Variants in ITPKA observed in about 807,000 individuals in gnomAD.
ITPKA encodes the protein inositol-trisphosphate 3-kinase A.
Under a neutral mutation model 40.7 loss-of-function variants are expected in ITPKA, and 16 were observed. The observed-to-expected ratio is 0.39, with a 90% CI of 0.27 to 0.60. The LOEUF is 0.60. Among genes scored for constraint, ITPKA ranks in the 20% least tolerant of loss-of-function variants. ITPKA has a pLI of 0.50. For synonymous variants in ITPKA, 313 were observed against 289.9 expected, an observed-to-expected ratio of 1.08 and a Z score of -0.81; for missense variants, 540 against 649.3, an observed-to-expected ratio of 0.83 and a Z score of 1.83.
chr15:41,498,403 G>C (rs951475428), intron 1 of ITPKA, among the ~76,000 whole-genome samples: 5 of 151,888 alleles, frequency 3.3e-5, no homozygotes, highest in Admixed American at 2.0e-4. Flanking sequence ...AGAAAACCAA[G>C]GTCAAGAGAG....
Position 41,503,444 on chromosome 15 carries a change from C to A in ITPKA, c.*278C>A. 1.6e-6 allele frequency: 1 copy of A among 620,726 alleles called. No homozygotes were observed. 38.5% of individuals were successfully genotyped at this position (620,726 alleles called of 1,614,324 possible). A position where few individuals can be genotyped will look rare whatever the true frequency, so the allele number is the denominator to read the frequency against. ...CCAGCTCTTCTGAGGAGGCTCTGCC[C>A]TCTCCAGAGGTGCCAGACCGCGGAT... On this transcript the variant is annotated 3_prime_UTR_variant, in exon 7 of 7. Coordinates refer to ENST00000260386, the MANE Select transcript of ITPKA (RefSeq NM_002220.3).
chr15:41,496,531 C>T (rs998930489), intron 1 of ITPKA, among the ~76,000 whole-genome samples: 9 of 152,194 alleles, frequency 5.9e-5, no homozygotes, highest in Non-Finnish European at 1.2e-4. Flanking sequence ...AGTTGGAGGC[C>T]CACCCGCAAG....
intron 1 of ITPKA, among the ~76,000 whole-genome samples, chr15:41,497,458 C>A (rs2051081463): frequency 6.6e-6 from 1 of 152,176 alleles, no homozygotes; most frequent in South Asian, 2.1e-4. Flanking sequence ...GAACTCCTGA[C>A]CTCAAGTGAT....
chr15:41,495,511 G>A (rs1374314634), intron 1 of ITPKA, among the ~76,000 whole-genome samples: 1 of 152,232 alleles, frequency 6.6e-6, no homozygotes, highest in Non-Finnish European at 1.5e-5. Context: ...AGGCCGATGG[G>A]GTTTGTCAGT....
At chr15:41,501,407 A>G in intron 1 of ITPKA, 56 bp from the exon 2 acceptor site, 1 of 1,552,248 alleles carries the variant, frequency 6.4e-7, no homozygotes, top group Non-Finnish European at 8.7e-7. Flanking sequence ...CAGTGGAGGG[A>G]GGGCTTATGC....
chr15:41,501,809 G>A lies in ITPKA; in HGVS notation c.761G>A (p.Gly254Asp). 2 of 1,613,428 alleles carry A rather than the reference G, an allele frequency of 1.2e-6. No individual in the cohort carries two copies. Among genetic ancestry groups the A allele is most frequent in the Non-Finnish European group, 1.7e-6 (2 of 1,179,872 alleles). ...SYLQLQDLLD[G>D]FDGPCVLDCK... ...CTGCAGCTGCAGGACCTGCTCGATG[G>A]CTTCGACGGACCTTGTGTGCTCGAC... The change falls in exon 3 of 7, where the codon GGC becomes GAC. Residue 254 changes from glycine to aspartate, a missense_variant. Gly to Asp is a moderately conservative substitution (Grantham distance 94). Transcript: ENST00000260386.
Position 41,503,166 on chromosome 15 carries a change from AG to A in ITPKA, c.*2del. On this transcript the variant is annotated 3_prime_UTR_variant, in exon 7 of 7. Transcript: ENST00000260386. ...TCCTGGCCAGCCTGGCTGAGAGATG[AG>A]GCTGGACTCCTGTCCCCGCGGGCCG... 1 of 1,577,156 alleles carries A rather than the reference AG, an allele frequency of 6.3e-7. No homozygotes were observed. Among genetic ancestry groups the A allele is most frequent in the Non-Finnish European group, 8.7e-7 (1 of 1,154,044 alleles).
chr15:41,494,350 G>T lies in ITPKA; in HGVS notation c.423G>T (p.Leu141=). The T allele has an allele frequency of 6.6e-7, 1 of 1,522,392 alleles. No individual in the cohort carries two copies. 94.3% of individuals were successfully genotyped at this position (1,522,392 alleles called of 1,614,324 possible). The stretch of plus-strand genomic sequence containing the variant: ...TGCTCGAGGACTCGGAGGACGACCT[G>T]CTGAGCGACAGTGAGAGCCGGAGCC... ...SSLLEDSEDD[L]LSDSESRSRG... is the part of the protein sequence containing the mutation. The change falls in exon 1 of 7, where the codon CTG becomes CTT. Residue 141 remains leucine, a synonymous_variant. Transcript: ENST00000260386. The surrounding 1 kb of genome is among the most constrained non-coding windows in gnomAD (Gnocchi z 7.8).
At chr15:41,496,284 G>A (rs780233149) in intron 1 of ITPKA, among the ~76,000 whole-genome samples, 92 of 152,192 alleles carry the variant, frequency 6.0e-4, no homozygotes, top group Non-Finnish European at 1.2e-3. Flanking sequence ...GGATGCACGT[G>A]GGCCGGACTC....
intron 1 of ITPKA, 130 bp from the exon 2 acceptor site, chr15:41,501,333 G>T: frequency 1.4e-6 from 2 of 1,473,756 alleles, no homozygotes; most frequent in Non-Finnish European, 9.0e-7. Flanking sequence ...GTGAATGAAT[G>T]AATTAATGAC....
intron 1 of ITPKA, among the ~76,000 whole-genome samples, chr15:41,496,196 G>C (rs1164977631): frequency 1.3e-5 from 2 of 152,270 alleles, no homozygotes; most frequent in Non-Finnish European, 2.9e-5. Context: ...GCAGGTCCCA[G>C]AGCCGCACAG....
Position 41,503,439 on chromosome 15 carries a change from C to G in ITPKA, c.*273C>G. On this transcript the variant is annotated 3_prime_UTR_variant, in exon 7 of 7. Transcript: ENST00000260386. ...TCAGGCCAGCTCTTCTGAGGAGGCT[C>G]TGCCCTCTCCAGAGGTGCCAGACCG... The G allele has an allele frequency of 8.1e-6, 5 of 617,924 alleles. No individual in the cohort carries two copies. Among genetic ancestry groups the G allele is most frequent in the South Asian group, 8.1e-5 (5 of 61,890 alleles). 38.3% of individuals were successfully genotyped at this position (617,924 alleles called of 1,614,324 possible). A position where few individuals can be genotyped will look rare whatever the true frequency, so the allele number is the denominator to read the frequency against.
chr15:41,501,247 C>T (rs1009970523), intron 1 of ITPKA: 42 of 898,672 alleles, frequency 4.7e-5, no homozygotes, highest in Admixed American at 6.2e-5. Flanking sequence ...TGACAGCTCA[C>T]TGGAGACGCT....
In ITPKA at chr15:41,501,651, G is replaced by A. The variant is rs558848920; in HGVS notation, c.603G>A (p.Ala201=). Residue 201 remains alanine, a synonymous_variant, in exon 3 of 7, where the codon GCG becomes GCA. Coordinates refer to ENST00000260386, the MANE Select transcript of ITPKA (RefSeq NM_002220.3). ...LAGHTGSFKA[A]GTSGLILKRC... ...GGTCCTCAGGGAGTTTTAAGGCGGC[G>A]GGCACCAGCGGGCTGATCCTGAAGC... 5.0e-6 allele frequency: 8 copies of A among 1,607,400 alleles called. No homozygotes were observed. Among genetic ancestry groups the A allele is most frequent in the Non-Finnish European group, 6.8e-6 (8 of 1,177,680 alleles).
Position 41,501,719 on chromosome 15 carries a change from C to T in ITPKA, c.671C>T (p.Ala224Val), listed in dbSNP as rs778873563. 1.9e-6 allele frequency: 3 copies of T among 1,611,218 alleles called. No homozygotes were observed. The highest frequency in any genetic ancestry group is 2.7e-5 in the African/African-American group (2 of 74,918). The change falls in exon 3 of 7, where the codon GCT (alanine) becomes GTT (valine). Residue 224 changes from alanine to valine, a missense_variant. Coordinates refer to ENST00000260386, the MANE Select transcript of ITPKA (RefSeq NM_002220.3). The stretch of plus-strand genomic sequence containing the variant: ...CGCTACTGCCTGGCGCGGCTGATGG[C>T]TGACGCGCTGCGCGGCTGCGTGCCT... ...PERYCLARLM[A>V]DALRGCVPAF...
chr15:41,496,186 G>C (rs1425218794), intron 1 of ITPKA, among the ~76,000 whole-genome samples: 1 of 152,246 alleles, frequency 6.6e-6, no homozygotes, highest in Admixed American at 6.5e-5. Flanking sequence ...TTGCCTCGCC[G>C]CAGGTCCCAG....
Position 41,494,423 on chromosome 15 carries a change from G to A in ITPKA, c.489+7G>A. On this transcript the variant is annotated splice_region_variant and intron_variant, in intron 1 of 6. Transcript: ENST00000260386. This position sits in a 1 kb window ranked among gnomAD's most constrained non-coding sequence, Gnocchi z 7.8. ...GGGCGAGGACGTGGGTCAGGTACGG[G>A]CCGCGGGGGCGGGGCCAGCGCCGGG... 1 of 1,418,562 alleles carries A rather than the reference G, an allele frequency of 7.0e-7. No homozygotes were observed. Among genetic ancestry groups the A allele is most frequent in the Non-Finnish European group, 9.2e-7 (1 of 1,087,794 alleles). 87.9% of individuals were successfully genotyped at this position (1,418,562 alleles called of 1,614,324 possible).
In ITPKA at chr15:41,502,310, C is replaced by G. The variant is rs1021779564; in HGVS notation, c.1009-92C>G. On this transcript the variant is annotated intron_variant, in intron 4 of 6. Coordinates refer to ENST00000260386, the MANE Select transcript of ITPKA (RefSeq NM_002220.3). Reference sequence around the variant, plus strand: ...CCTCCGCCCTCTCCCACCGCCTCGCCGTCCCCTGCAACTGGGAGGTACCGC... The same window carrying G: ...CCTCCGCCCTCTCCCACCGCCTCGCGGTCCCCTGCAACTGGGAGGTACCGC... The G allele has an allele frequency of 7.9e-6, 11 of 1,400,212 alleles. No homozygotes were observed. In the Admixed American group the frequency reaches 1.2e-4, roughly 16 times the overall value. The allele number at this position is 1,400,212 out of a possible 1,614,324, so 86.7% of individuals were successfully genotyped here. A position where few individuals can be genotyped will look rare whatever the true frequency, so the allele number is the denominator to read the frequency against.
chr15:41,496,384 C>T (rs781556298), intron 1 of ITPKA, among the ~76,000 whole-genome samples: 1 of 152,172 alleles, frequency 6.6e-6, no homozygotes, highest in Non-Finnish European at 1.5e-5. Context: ...TACCTCTCTG[C>T]CTGGGGCATA....
Sources: allele counts gnomAD v4.1 joint callset (sites outside exome capture counted in the v4.1 genomes callset), GRCh38; gene constraint gnomAD v4.1.1; non-coding constraint Gnocchi (gnomAD v3.1); transcripts MANE v1.5; gene names NCBI Gene and HGNC (gene_info 2026-07-23, HGNC 2026-07-21).